DENND1B: variants seen among roughly 807,000 people sequenced by gnomAD.
DENND1B encodes the protein DENN domain-containing protein 1B.
Under a neutral mutation model 90.1 loss-of-function variants are expected in DENND1B, and 59 were observed. The observed-to-expected ratio is 0.65, with a 90% CI of 0.53 to 0.81. The LOEUF (loss-of-function observed/expected upper bound fraction) is 0.81. Ranked by LOEUF, DENND1B falls within the 40% of genes least tolerant of loss-of-function variation. DENND1B has a pLI of 0.00. For synonymous variants in DENND1B, 337 were observed against 324.6 expected (o/e 1.04, Z -0.41); for missense variants, 862 against 912.6 (o/e 0.94, Z 0.71).
intron 11 of DENND1B, 62 bp downstream of exon 11, chr1:197,617,597 A>G: frequency 8.0e-7 from 1 of 1,257,116 alleles, no homozygotes; most frequent in Non-Finnish European, 1.2e-6. Flanking sequence ...CTAGTTCACA[A>G]ATAAACAGAT....
intron 11 of DENND1B, among the ~76,000 whole-genome samples, chr1:197,613,238 C>G (rs1677337157): frequency 6.6e-6 from 1 of 150,588 alleles, no homozygotes; most frequent in Non-Finnish European, 1.5e-5. Flanking sequence ...TTCAAAGTAA[C>G]CTTAAAAAGT....
intron 10 of DENND1B, among the ~76,000 whole-genome samples, chr1:197,618,658 T>A (rs1677878244): frequency 6.6e-6 from 1 of 151,144 alleles, no homozygotes; most frequent in Admixed American, 6.6e-5. Flanking sequence ...AGATGTAAAG[T>A]CATTTTTATG....
chr1:197,653,757 T>C (rs1653501934), intron 6 of DENND1B, among the ~76,000 whole-genome samples: 2 of 151,994 alleles, frequency 1.3e-5, no homozygotes, highest in African/African-American at 2.4e-5. Flanking sequence ...AGATACACAC[T>C]ATGGAGATAA....
chr1:197,537,492 T>C (rs1669997813), intron 20 of DENND1B, among the ~76,000 whole-genome samples: 1 of 152,096 alleles, frequency 6.6e-6, no homozygotes, highest in South Asian at 2.1e-4. Flanking sequence ...GAATGTACAG[T>C]GTGAGGACTA....
At chr1:197,591,303 G>A (rs1416249384) in intron 14 of DENND1B, among the ~76,000 whole-genome samples, 1 of 152,008 alleles carries the variant, frequency 6.6e-6, no homozygotes, top group East Asian at 1.9e-4. Context: ...TTATTTTTTG[G>A]TCCAGAAGCT....
At chr1:197,679,387 C>A (rs1656421700) in intron 3 of DENND1B, among the ~76,000 whole-genome samples, 1 of 150,298 alleles carries the variant, frequency 6.7e-6, no homozygotes, top group South Asian at 2.1e-4. Flanking sequence ...TATAAAAAAC[C>A]AATATACTAT....
At chr1:197,756,368 A>G (rs1654287948) in intron 2 of DENND1B, among the ~76,000 whole-genome samples, 1 of 152,102 alleles carries the variant, frequency 6.6e-6, no homozygotes, top group African/African-American at 2.4e-5. Flanking sequence ...TGAGGTCAGG[A>G]GTTCAAGACC....
At position 197,684,993 on chromosome 1, in the gene DENND1B, C is replaced by T. The variant is rs764540112; in HGVS notation, c.127-10824G>A. Among the ~76,000 whole-genome samples the T allele has an allele frequency of 7.9e-5, 12 of 151,940 alleles. 1 individual carries two copies. In the South Asian group the frequency reaches 1.0e-3, roughly 13 times the overall value. On this transcript the variant is annotated intron_variant, in intron 3 of 22. Coordinates refer to ENST00000620048, the MANE Select transcript of DENND1B (RefSeq NM_001195215.2). ...ATTAGCTGGGTGTGGCAGTGGGTGC[C>T]GGTAATCCCAGCTACTCGGGAGGCT...
At chr1:197,693,878 T>C (rs1410824066) in intron 3 of DENND1B, among the ~76,000 whole-genome samples, 2 of 151,500 alleles carry the variant, frequency 1.3e-5, no homozygotes, top group Non-Finnish European at 3.0e-5. Context: ...TTAAGCCTTA[T>C]AACAATAACA....
chr1:197,605,374 CA>C (rs1676579321), intron 13 of DENND1B: 1 of 150,742 alleles, frequency 6.6e-6, no homozygotes, highest in Non-Finnish European at 1.5e-5. Context: ...AATCACCCAT[CA>C]AAAAAATAAA....
intron 20 of DENND1B, among the ~76,000 whole-genome samples, chr1:197,515,594 T>C (rs1668338502): frequency 6.6e-6 from 1 of 151,822 alleles, no homozygotes; most frequent in African/African-American, 2.4e-5. Context: ...GCTGAGACTT[T>C]ATATTGCTAT....
chr1:197,672,282 TAGAA>T, intron 4 of DENND1B, 126 bp from the exon 5 acceptor site: 1 of 1,140,968 alleles, frequency 8.8e-7, no homozygotes, highest in Non-Finnish European at 1.2e-6. Flanking sequence ...TTCTTGAAGC[TAGAA>T]CTATGTTCTA....
intron 13 of DENND1B, among the ~76,000 whole-genome samples, chr1:197,598,660 T>C (rs928380790): frequency 1.3e-5 from 2 of 151,850 alleles, no homozygotes; most frequent in African/African-American, 2.4e-5. Context: ...AACTCTGAAT[T>C]CAGAAAAGCA....
At chr1:197,622,921 C>G (rs1316894408) in intron 10 of DENND1B, among the ~76,000 whole-genome samples, 5 of 151,108 alleles carry the variant, frequency 3.3e-5, no homozygotes, top group Non-Finnish European at 7.4e-5. Context: ...AGACATTTAT[C>G]AGATTCCCAT....
At chr1:197,707,586 A>G (rs1322484331) in intron 3 of DENND1B, among the ~76,000 whole-genome samples, 4 of 147,648 alleles carry the variant, frequency 2.7e-5, no homozygotes, top group Non-Finnish European at 5.9e-5. Flanking sequence ...GCATATATTT[A>G]TATACATATA....
intron 10 of DENND1B, among the ~76,000 whole-genome samples, chr1:197,628,111 T>A (rs1678952559): frequency 6.6e-6 from 1 of 152,174 alleles, no homozygotes; most frequent in Admixed American, 6.5e-5. Flanking sequence ...CAAGGTATTT[T>A]ATAGATTCAA....
intron 2 of DENND1B, among the ~76,000 whole-genome samples, chr1:197,772,221 A>G (rs915244803): frequency 6.6e-6 from 1 of 152,202 alleles, no homozygotes; most frequent in African/African-American, 2.4e-5. Flanking sequence ...TAAATTTCCA[A>G]ACATAAATGA....
chr1:197,593,116 A>G (rs1183219922), intron 14 of DENND1B, among the ~76,000 whole-genome samples: 1 of 152,046 alleles, frequency 6.6e-6, no homozygotes, highest in East Asian at 1.9e-4. Flanking sequence ...AAAGAATTAT[A>G]AAACAAAACA....
At chr1:197,714,204 A>G (rs962013538) in intron 3 of DENND1B, among the ~76,000 whole-genome samples, 14 of 150,748 alleles carry the variant, frequency 9.3e-5, no homozygotes, top group Non-Finnish European at 1.9e-4. Context: ...CGAACTCCTG[A>G]CCTCATGATC....
Sources: allele counts gnomAD v4.1 joint callset (sites outside exome capture counted in the v4.1 genomes callset), GRCh38; gene constraint gnomAD v4.1.1; transcripts MANE v1.5; gene names NCBI Gene and HGNC (gene_info 2026-07-23, HGNC 2026-07-21).